VEGFA: variants seen among roughly 807,000 people sequenced by gnomAD.
VEGFA encodes vascular endothelial growth factor A, long form.
A neutral mutation model predicts 49.7 loss-of-function variants in VEGFA; 20 were observed. That is an observed-to-expected ratio of 0.40 (90% confidence interval 0.28 to 0.58). The LOEUF (loss-of-function observed/expected upper bound fraction) is 0.58, where lower values mean the gene tolerates loss of function less well. Ranked by LOEUF, VEGFA falls within the 20% of genes least tolerant of loss-of-function variation. The pLI, the probability that VEGFA is intolerant of heterozygous loss-of-function variation, is 0.40. For synonymous variants in VEGFA, 219 were observed against 223.4 expected (o/e 0.98, Z 0.18); for missense variants, 505 against 553.5 (o/e 0.91, Z 0.88).
chr6:43,781,765 A>T, intron 6 of VEGFA, 191 bp from the exon 7 acceptor site: 1 of 673,880 alleles, frequency 1.5e-6, no homozygotes, highest in Non-Finnish European at 2.5e-6. Flanking sequence ...CAGGTGTCCT[A>T]GCCAGTGCTG....
In VEGFA at chr6:43,782,007, G is replaced by A. The variant is rs770673007; in HGVS notation, c.1086G>A (p.Pro362=). Residue 362 remains proline, a synonymous_variant, in exon 7 of 8, where the codon CCG becomes CCA. Transcript: ENST00000672860. ...GAAAGCATTTGTTTGTACAAGATCC[G>A]CAGACGTGTAAATGTTCCTGCAAAA... 32 of 1,614,068 alleles carry A rather than the reference G, an allele frequency of 2.0e-5. No homozygotes were observed. Among genetic ancestry groups the A allele is most frequent in the Middle Eastern group, 1.6e-4 (1 of 6,062 alleles).
At chr6:43,782,814 C>G (rs3025028) in intron 7 of VEGFA, 92,088 of 153,924 alleles carry the variant, frequency 0.6, 27,976 homozygotes, top group East Asian at 0.76. Context: ...GGATGGGGCA[C>G]TTTTGCCTAC....
chr6:43,770,417 C>A lies in VEGFA; in HGVS notation c.-290C>A. 1 of 428,644 alleles carries A rather than the reference C, an allele frequency of 2.3e-6. No individual in the cohort carries two copies. The highest frequency in any genetic ancestry group is 3.9e-6 in the Non-Finnish European group (1 of 255,186). The allele number at this position is 428,644 out of a possible 1,614,324, so 26.6% of individuals were successfully genotyped here. ...TTTTTTTTAAAACTGTATTGTTTCT[C>A]GTTTTAATTTATTTTTGCTTGCCAT... On this transcript the variant is annotated 5_prime_UTR_variant, in exon 1 of 8. Coordinates refer to ENST00000672860, the MANE Select transcript of VEGFA (RefSeq NM_003376.6).
chr6:43,785,639 TC>T lies in VEGFA; in HGVS notation c.*1083del. On this transcript the variant is annotated 3_prime_UTR_variant, in exon 8 of 8. Transcript: ENST00000672860. ...CACACCATTGAAACCACTAGTTCTG[TC>T]CCCCCAGGAGACCTGGTTGTGTGTG... 2 of 202,158 alleles carry T rather than the reference TC, an allele frequency of 9.9e-6. No individual in the cohort carries two copies. Among genetic ancestry groups the T allele is most frequent in the East Asian group, 7.7e-5 (1 of 12,924 alleles). The allele number at this position is 202,158 out of a possible 1,614,324, so 12.5% of individuals were successfully genotyped here.
At position 43,785,022 on chromosome 6, in the gene VEGFA, G is replaced by A. The variant is rs1476863432; in HGVS notation, c.*460G>A. 5.4e-6 allele frequency: 1 copy of A among 185,816 alleles called. No individual in the cohort carries two copies. The highest frequency in any genetic ancestry group is 1.1e-5 in the Non-Finnish European group (1 of 88,416). The allele number at this position is 185,816 out of a possible 1,614,324, so 11.5% of individuals were successfully genotyped here. On this transcript the variant is annotated 3_prime_UTR_variant, in exon 8 of 8. Transcript: ENST00000672860. ...TAAATTAACAGTGCTAATGTTATTG[G>A]TGTCTTCACTGGATGTATTTGACTG...
Position 43,782,097 on chromosome 6 carries a change from C to T in VEGFA, c.1166+10C>T, listed in dbSNP as rs777881934. ...ACGAACGTACTTGCAGGTTGGTTCC[C>T]AGAGGGCAAGCAAGTCAGAGAGGGG... is the stretch of plus-strand genomic sequence containing the variant. On this transcript the variant is annotated intron_variant, in intron 7 of 7. Transcript: ENST00000672860. The T allele has an allele frequency of 4.5e-5, 72 of 1,613,134 alleles. No individual in the cohort carries two copies. In the South Asian group the frequency reaches 7.7e-4, roughly 17 times the overall value.
intron 5 of VEGFA, chr6:43,780,112 CAG>C: frequency 3.7e-5 from 8 of 217,242 alleles, no homozygotes; most frequent in South Asian, 3.0e-4. Context: ...CCCTGCCTCC[CAG>C]TCCAGGTCGT....
intron 5 of VEGFA, chr6:43,779,211 C>G (rs1013505399): frequency 1.1e-5 from 6 of 553,244 alleles, no homozygotes; most frequent in Admixed American, 3.1e-5. Context: ...TCAGGGGGCA[C>G]TGTGGACACT....
chr6:43,780,574 T>C (rs1767200385), intron 5 of VEGFA, 158 bp from the exon 6 acceptor site: 1 of 1,018,412 alleles, frequency 9.8e-7, no homozygotes, highest in Non-Finnish European at 1.5e-6. Flanking sequence ...CGCCCGCGCA[T>C]GCCTCCCCAG....
At chr6:43,778,334 G>A in intron 3 of VEGFA, 126 bp from the exon 4 acceptor site, 1 of 808,456 alleles carries the variant, frequency 1.2e-6, no homozygotes, top group South Asian at 1.4e-5. Context: ...GGTCCTCCCT[G>A]CCTCCACCAC....
rs149596777 is a variant in VEGFA, at chr6:43,778,639, C to A, written c.932+103C>A. The stretch of plus-strand genomic sequence containing the variant: ...ACTTTTTGGCCCCCGTCCAGCTTCC[C>A]GCTATGTGACCTTTGGCATTTTACT... On this transcript the variant is annotated intron_variant, in intron 4 of 7. Coordinates refer to ENST00000672860, the MANE Select transcript of VEGFA (RefSeq NM_003376.6). 243 of 1,260,026 alleles carry A rather than the reference C, an allele frequency of 1.9e-4. 3 individuals carry two copies. The African/African-American group carries it at 2.3e-3, about 12-fold the overall frequency. 78.1% of individuals were successfully genotyped at this position (1,260,026 alleles called of 1,614,324 possible).
Position 43,771,321 on chromosome 6 carries a change from TC to T in VEGFA, c.606+10del. On this transcript the variant is annotated intron_variant, in intron 1 of 7. Coordinates refer to ENST00000672860, the MANE Select transcript of VEGFA (RefSeq NM_003376.6). ...ACCTCCACCATGCCAAGGTAAGCGG[TC>T]GTGCCCTGCTGGCGCCGCGGGCCGC... The T allele has an allele frequency of 6.3e-7, 1 of 1,596,524 alleles. No homozygotes were observed. Among genetic ancestry groups the T allele is most frequent in the Middle Eastern group, 1.7e-4 (1 of 5,966 alleles).
chr6:43,779,676 C>A (rs1284365019), intron 5 of VEGFA: 1 of 468,374 alleles, frequency 2.1e-6, no homozygotes, highest in Admixed American at 2.3e-5. Context: ...GCCTCAACCC[C>A]TTGCCTCTTC....
At chr6:43,774,433 CAG>C (rs1345745830) in intron 2 of VEGFA, 41 bp downstream of exon 2, 2 of 1,609,906 alleles carry the variant, frequency 1.2e-6, no homozygotes, top group South Asian at 1.1e-5. Flanking sequence ...CCTGTCCTCT[CAG>C]GGGATGGGTG....
In VEGFA at chr6:43,778,526, T is replaced by C; in HGVS notation, c.922T>C (p.Cys308Arg). ...GATGAGCTTCCTACAGCACAACAAA[T>C]GTGAATGCAGGTGAGGATGTAGTCA... is the stretch of plus-strand genomic sequence containing the variant. Residue 308 changes from cysteine to arginine, a missense_variant, in exon 4 of 8, where the codon TGT (cysteine) becomes CGT (arginine). Cys to Arg is a radical substitution (Grantham distance 180). Coordinates refer to ENST00000672860, the MANE Select transcript of VEGFA (RefSeq NM_003376.6). 6.2e-7 allele frequency: 1 copy of C among 1,613,980 alleles called. No homozygotes were observed. Among genetic ancestry groups the C allele is most frequent in the Non-Finnish European group, 8.5e-7 (1 of 1,179,896 alleles).
chr6:43,780,258 A>G lies in VEGFA; in HGVS notation c.963-474A>G, dbSNP rs1381107028. The G allele has an allele frequency of 1.7e-5, 4 of 241,652 alleles. No homozygotes were observed. In the Admixed American group the frequency reaches 2.0e-4, roughly 12 times the overall value. 15.0% of individuals were successfully genotyped at this position (241,652 alleles called of 1,614,324 possible). On this transcript the variant is annotated intron_variant, in intron 5 of 7. Coordinates refer to ENST00000672860, the MANE Select transcript of VEGFA (RefSeq NM_003376.6). ...GGCCTGATACACAGCCCTCCCTCCC[A>G]CTCCTGCTCCCCATCCAGGCAGGTC...
rs958268348 is a variant in VEGFA at position 43,785,454 on chromosome 6, T to G, written c.*892T>G. 13 of 220,318 alleles carry G rather than the reference T, an allele frequency of 5.9e-5. No individual in the cohort carries two copies. Among genetic ancestry groups the G allele is most frequent in the South Asian group, 1.8e-4 (1 of 5,434 alleles). 13.6% of individuals were successfully genotyped at this position (220,318 alleles called of 1,614,324 possible). On this transcript the variant is annotated 3_prime_UTR_variant, in exon 8 of 8. Coordinates refer to ENST00000672860, the MANE Select transcript of VEGFA (RefSeq NM_003376.6). ...TGGGCGGCCTTCGCTTACTCTCACC[T>G]GCTTCTGAGTTGCCCAGGAGACCAC...
Position 43,770,607 on chromosome 6 carries a change from C to A in VEGFA, c.-100C>A. ...AGAGAGCGCGCGGGCGTGCGAGCAG[C>A]GAAAGCGACAGGGGCAAAGTGAGTG... On this transcript the variant is annotated 5_prime_UTR_variant, in exon 1 of 8. Coordinates refer to ENST00000672860, the MANE Select transcript of VEGFA (RefSeq NM_003376.6). 1 of 1,431,832 alleles carries A rather than the reference C, an allele frequency of 7.0e-7. No homozygotes were observed. 88.7% of individuals were successfully genotyped at this position (1,431,832 alleles called of 1,614,324 possible). A position where few individuals can be genotyped will look rare whatever the true frequency, so the allele number is the denominator to read the frequency against.
chr6:43,771,183 G>C lies in VEGFA; in HGVS notation c.477G>C (p.Pro159=), dbSNP rs531663653. 3.1e-6 allele frequency: 5 copies of C among 1,589,028 alleles called. No homozygotes were observed. The African/African-American group carries it at 6.9e-5, about 22-fold the overall frequency. Residue 159 remains proline, a synonymous_variant, in exon 1 of 8, where the codon CCG becomes CCC. Transcript: ENST00000672860. ...GCCGAGGCGCCGAGGAGAGCGGGCC[G>C]CCCCACAGCCCGAGCCGGAGAGGGA...
Sources: gnomAD v4.1 joint callset for allele counts on GRCh38, gnomAD v4.1.1 for gene constraint, MANE v1.5 for transcripts, NCBI Gene and HGNC (gene_info 2026-07-23, HGNC 2026-07-21) for gene names.